SCN8A: variants seen among roughly 807,000 people sequenced by gnomAD.
SCN8A encodes the protein sodium voltage-gated channel alpha subunit 8.
In SCN8A, 30 loss-of-function variants were observed where a neutral mutation model predicts 184.1. That is an observed-to-expected ratio of 0.16 (90% CI 0.12 to 0.22). SCN8A has a LOEUF of 0.22. Ranked by LOEUF, SCN8A falls within the 10% of genes least tolerant of loss-of-function variation. The pLI, the probability that SCN8A is intolerant of heterozygous loss-of-function variation, is 1.00. For missense variants in SCN8A, 1,057 were observed against 2,498.9 expected (o/e 0.42, Z 12.30); for synonymous variants, 852 against 907.0 (o/e 0.94, Z 1.09).
rs2138870339 is a variant in SCN8A, at chr12:51,769,952, G to A, written c.3457G>A (p.Glu1153Lys). The change falls in exon 18 of 27, where the codon GAA (glutamate) becomes AAA (lysine). Residue 1153 changes from glutamate to lysine, a missense_variant. Around this residue, in one of 19 missense-constraint regions of SCN8A, gnomAD observed 178 missense variants for 259.6 expected, o/e 0.69. Transcript: ENST00000627620. ...AGAGGTCCCTGTGGAACAGCCTGAG[G>A]AATACTTGGATCCAGATGCCTGCTT... is the stretch of plus-strand genomic sequence containing the variant. ...VEEVPVEQPE[E>K]YLDPDACFTE... The A allele has an allele frequency of 6.2e-7, 1 of 1,605,234 alleles. No homozygotes were observed. Among genetic ancestry groups the A allele is most frequent in the Non-Finnish European group, 8.5e-7 (1 of 1,175,964 alleles).
intron 1 of SCN8A, among the ~76,000 whole-genome samples, chr12:51,614,179 T>C (rs1486072475): frequency 6.6e-6 from 1 of 152,138 alleles, no homozygotes; most frequent in Non-Finnish European, 1.5e-5. Context: ...ATTTTATCCT[T>C]AGTTTTGTCC....
chr12:51,657,485 C>A (rs1388499261), intron 1 of SCN8A, among the ~76,000 whole-genome samples: 1 of 151,948 alleles, frequency 6.6e-6, no homozygotes, highest in African/African-American at 2.4e-5. Context: ...ATTATTTAGT[C>A]TTTTGCTGTT....
intron 3 of SCN8A, among the ~76,000 whole-genome samples, chr12:51,684,814 G>T (rs1309591026): frequency 6.6e-6 from 1 of 152,098 alleles, no homozygotes; most frequent in African/African-American, 2.4e-5. Context: ...AGGATAAATA[G>T]GAATTTTTTC....
chr12:51,770,356 A>G, intron 18 of SCN8A, 173 bp from the exon 19 acceptor site: 2 of 725,844 alleles, frequency 2.8e-6, no homozygotes, highest in Non-Finnish European at 4.4e-6. Flanking sequence ...CCTTTGCAGC[A>G]TAGCCCCAGC....
At chr12:51,645,791 A>T (rs934228315) in intron 1 of SCN8A, among the ~76,000 whole-genome samples, 1 of 148,046 alleles carries the variant, frequency 6.8e-6, no homozygotes, top group East Asian at 2.0e-4. Flanking sequence ...CCCTAATCTC[A>T]AGTACCCAGG....
chr12:51,749,263 C>G (rs1339305970), intron 13 of SCN8A, among the ~76,000 whole-genome samples: 1 of 152,192 alleles, frequency 6.6e-6, no homozygotes, highest in East Asian at 1.9e-4. Flanking sequence ...TAAGAGATGT[C>G]TGGTATCCCT....
intron 12 of SCN8A, among the ~76,000 whole-genome samples, chr12:51,733,275 T>A (rs557651935): frequency 6.6e-6 from 1 of 152,326 alleles, no homozygotes; most frequent in East Asian, 1.9e-4. Flanking sequence ...GGGTGTTGAA[T>A]TTTATAAAAT....
intron 19 of SCN8A, among the ~76,000 whole-genome samples, chr12:51,772,177 C>T (rs1942934770): frequency 6.6e-6 from 1 of 152,120 alleles, no homozygotes; most frequent in Non-Finnish European, 1.5e-5. Flanking sequence ...GTGCGGATCA[C>T]CTGAGGTTGG....
intron 2 of SCN8A, among the ~76,000 whole-genome samples, chr12:51,680,860 C>G (rs1026036715): frequency 2.0e-5 from 3 of 151,870 alleles, no homozygotes; most frequent in Non-Finnish European, 4.4e-5. Flanking sequence ...AAAAATTAGC[C>G]GGGCGTGGTG....
intron 12 of SCN8A, among the ~76,000 whole-genome samples, chr12:51,725,127 A>G (rs1365085920): frequency 6.6e-6 from 1 of 152,228 alleles, no homozygotes; most frequent in African/African-American, 2.4e-5. Flanking sequence ...GCAAGACCAT[A>G]TCATTCCCAA....
chr12:51,771,860 C>T (rs1422659134), intron 19 of SCN8A, among the ~76,000 whole-genome samples: 2 of 152,098 alleles, frequency 1.3e-5, no homozygotes, highest in African/African-American at 2.4e-5. Context: ...TGGAGAAAGG[C>T]GTTTTATTAT....
At chr12:51,701,479 T>C (rs1941686326) in intron 8 of SCN8A, among the ~76,000 whole-genome samples, 1 of 152,172 alleles carries the variant, frequency 6.6e-6, no homozygotes, top group Non-Finnish European at 1.5e-5. Context: ...TACCTGCCTC[T>C]TGGGGACTCC....
chr12:51,663,715 C>T (rs1940970473), intron 2 of SCN8A, among the ~76,000 whole-genome samples: 1 of 152,120 alleles, frequency 6.6e-6, no homozygotes, highest in African/African-American at 2.4e-5. Flanking sequence ...TACTAATCTT[C>T]ATTTGGCCAA....
chr12:51,795,501 G>A (rs1040813229), intron 26 of SCN8A, among the ~76,000 whole-genome samples: 4 of 152,170 alleles, frequency 2.6e-5, no homozygotes, highest in East Asian at 1.9e-4. Flanking sequence ...GAGCTCCAGC[G>A]GCCATGCTGG....
intron 15 of SCN8A, among the ~76,000 whole-genome samples, chr12:51,763,295 A>G (rs1470929483): frequency 1.3e-5 from 2 of 152,240 alleles, no homozygotes; most frequent in South Asian, 4.1e-4. Flanking sequence ...CTTTCAGTAT[A>G]GTATTCAATA....
chr12:51,625,106 A>G (rs1390565947), intron 1 of SCN8A, among the ~76,000 whole-genome samples: 2 of 152,244 alleles, frequency 1.3e-5, no homozygotes, highest in Admixed American at 6.5e-5. Context: ...TAACAAATGC[A>G]TAGAGTAACG....
At chr12:51,715,753 G>A (rs1941955326) in intron 11 of SCN8A, among the ~76,000 whole-genome samples, 1 of 151,856 alleles carries the variant, frequency 6.6e-6, no homozygotes, top group South Asian at 2.1e-4. Context: ...AATGTACCAG[G>A]TAGTATCAGC....
At chr12:51,782,564 C>T (rs1167351640) in intron 21 of SCN8A, among the ~76,000 whole-genome samples, 4 of 152,194 alleles carry the variant, frequency 2.6e-5, no homozygotes, top group Admixed American at 6.5e-5. Flanking sequence ...CCCTGATCTT[C>T]CAAAAAGAGA....
chr12:51,606,098 A>G (rs1939586217), intron 1 of SCN8A, among the ~76,000 whole-genome samples: 1 of 152,072 alleles, frequency 6.6e-6, no homozygotes, highest in Admixed American at 6.5e-5. Flanking sequence ...AGTTTAATTA[A>G]GCCCCAACTA....
Sources: gnomAD v4.1 joint callset for allele counts (sites outside exome capture counted in the v4.1 genomes callset) on GRCh38, gnomAD v4.1.1 for gene constraint, gnomAD v4.1.1 regional missense constraint, MANE v1.5 for transcripts, NCBI Gene and HGNC (gene_info 2026-07-23, HGNC 2026-07-21) for gene names.